Variants in BNC2 observed in about 807,000 individuals in gnomAD.
BNC2 encodes zinc finger protein basonuclin-2.
BNC2 carries 20 observed loss-of-function variants against 76.3 expected under a neutral mutation model. That is an observed-to-expected ratio of 0.26 (90% CI 0.18 to 0.38). The LOEUF is 0.38. Ranked by LOEUF, BNC2 falls within the 10% of genes least tolerant of loss-of-function variation. BNC2 has a pLI of 1.00. For missense variants in BNC2, 1,382 were observed against 1,399.8 expected, an observed-to-expected ratio of 0.99 and a Z score of 0.20; for synonymous variants, 582 against 514.8, an observed-to-expected ratio of 1.13 and a Z score of -1.77.
chr9:16,474,183 T>C (rs1821883369), intron 5 of BNC2, among the ~76,000 whole-genome samples: 1 of 152,228 alleles, frequency 6.6e-6, no homozygotes, highest in Non-Finnish European at 1.5e-5. Flanking sequence ...AAGTCACTTA[T>C]CCTTGCATAC....
intron 1 of BNC2, among the ~76,000 whole-genome samples, chr9:16,822,696 T>G (rs904707198): frequency 1.4e-4 from 21 of 152,350 alleles, no homozygotes; most frequent in African/African-American, 5.1e-4. Flanking sequence ...ACATCAGATT[T>G]TTTTAAAAGC....
intron 5 of BNC2, among the ~76,000 whole-genome samples, chr9:16,456,878 T>G (rs1821463018): frequency 6.6e-6 from 1 of 152,218 alleles, no homozygotes; most frequent in South Asian, 2.1e-4. Flanking sequence ...TATTTTAATT[T>G]GTTAACTCAT....
intron 1 of BNC2, among the ~76,000 whole-genome samples, chr9:16,857,092 C>G (rs1365392355): frequency 6.6e-6 from 1 of 152,088 alleles, no homozygotes; most frequent in Non-Finnish European, 1.5e-5. Flanking sequence ...ATGTTTTATT[C>G]AGTATGAATA....
chr9:16,497,978 G>GT (rs1822425937), intron 5 of BNC2, among the ~76,000 whole-genome samples: 1 of 134,840 alleles, frequency 7.4e-6, no homozygotes, highest in Non-Finnish European at 1.6e-5. Context: ...AAGAAACTGT[G>GT]GTGTGTGTGT....
chr9:16,591,416 G>C (rs938191688), intron 3 of BNC2, among the ~76,000 whole-genome samples: 6 of 152,124 alleles, frequency 3.9e-5, no homozygotes, highest in Non-Finnish European at 8.8e-5. Context: ...TGGGTCAAAA[G>C]ATCTACGGTT....
intron 5 of BNC2, among the ~76,000 whole-genome samples, chr9:16,468,939 G>GT (rs1821756241): frequency 6.6e-6 from 1 of 152,174 alleles, no homozygotes; most frequent in Admixed American, 6.5e-5. Context: ...AACAGGGATA[G>GT]TAACTTTTCA....
chr9:16,856,729 G>A (rs1052677914), intron 1 of BNC2, among the ~76,000 whole-genome samples: 2 of 152,168 alleles, frequency 1.3e-5, no homozygotes, highest in African/African-American at 4.8e-5. Flanking sequence ...TCTATCAAAA[G>A]CCAATTCAGC....
chr9:16,860,969 C>T (rs1819391642), intron 1 of BNC2, among the ~76,000 whole-genome samples: 1 of 151,690 alleles, frequency 6.6e-6, no homozygotes, highest in South Asian at 2.1e-4. Context: ...TGGCTTAAAC[C>T]CAAGAGGTGG....
At chr9:16,766,221 G>C (rs980217198) in intron 1 of BNC2, among the ~76,000 whole-genome samples, 1 of 152,132 alleles carries the variant, frequency 6.6e-6, no homozygotes, top group Non-Finnish European at 1.5e-5. Context: ...TTTTAATGTA[G>C]TTTTTCCTGT....
intron 1 of BNC2, among the ~76,000 whole-genome samples, chr9:16,799,911 C>T (rs1817740735): frequency 6.6e-6 from 1 of 152,076 alleles, no homozygotes; most frequent in Non-Finnish European, 1.5e-5. Flanking sequence ...ACAAAAGGAA[C>T]TTTGGCTCAC....
intron 3 of BNC2, among the ~76,000 whole-genome samples, chr9:16,613,754 C>G (rs1820619360): frequency 6.6e-6 from 1 of 152,192 alleles, no homozygotes; most frequent in South Asian, 2.1e-4. Context: ...GTAACCAGGA[C>G]AGCAGACTAT....
rs573838380 is a variant in BNC2 at position 16,472,700 on chromosome 9, G to C, written c.670-35176C>G. 2.1e-4 allele frequency among the ~76,000 whole-genome samples: 32 copies of C among 152,302 alleles called. 1 individual carries two copies. The highest frequency in any genetic ancestry group is 7.8e-4 in the Admixed American group (12 of 15,302). On this transcript the variant is annotated intron_variant, in intron 5 of 6. Transcript: ENST00000380672. ...GCAAGTGCTGCTTTATGGAACTTTA[G>C]AAATGCCAAGAGATGCACCAGAAAA...
intron 5 of BNC2, among the ~76,000 whole-genome samples, chr9:16,453,893 C>T (rs1016010108): frequency 1.3e-5 from 2 of 152,210 alleles, no homozygotes; most frequent in African/African-American, 4.8e-5. Flanking sequence ...CATTCAAGAA[C>T]TGCCCCAATC....
intron 3 of BNC2, among the ~76,000 whole-genome samples, chr9:16,723,241 G>A (rs1824216033): frequency 6.6e-6 from 1 of 152,056 alleles, no homozygotes; most frequent in African/African-American, 2.4e-5. Flanking sequence ...AGCAAGCTAG[G>A]GATGGATGAT....
chr9:16,723,565 T>C (rs1824229640), intron 3 of BNC2, among the ~76,000 whole-genome samples: 1 of 152,180 alleles, frequency 6.6e-6, no homozygotes, highest in East Asian at 1.9e-4. Context: ...ATTGTTGGCC[T>C]ATATGAATAG....
intron 2 of BNC2, among the ~76,000 whole-genome samples, chr9:16,734,193 G>A (rs2150090): frequency 0.47 from 70,847 of 152,042 alleles, 20,083 homozygotes; most frequent in East Asian, 0.89. Flanking sequence ...ACATGTTGAT[G>A]CATGCACGCC....
chr9:16,814,331 T>A (rs552482304), intron 1 of BNC2, among the ~76,000 whole-genome samples: 2 of 152,342 alleles, frequency 1.3e-5, no homozygotes, highest in East Asian at 1.9e-4. Flanking sequence ...GCACTCAATA[T>A]GTCTTTATTG....
At position 16,738,341 on chromosome 9, in the gene BNC2, A is replaced by G. The variant is rs77959482; in HGVS notation, c.129+19T>C. On this transcript the variant is annotated intron_variant, in intron 2 of 6. Coordinates refer to ENST00000380672, the MANE Select transcript of BNC2 (RefSeq NM_017637.6). ...GTGTGTCCAAGTAACTTAAAGGGGG[A>G]AAAAAAAAACCAACATACCTCAATT... 9 of 19,030 alleles carry G rather than the reference A, an allele frequency of 4.7e-4. No individual in the cohort carries two copies. The highest frequency in any genetic ancestry group is 2.3e-3 in the East Asian group (1 of 438). The allele number at this position is 19,030 out of a possible 1,614,324, so 1.2% of individuals were successfully genotyped here.
At chr9:16,625,239 G>A (rs932426789) in intron 3 of BNC2, among the ~76,000 whole-genome samples, 3 of 152,102 alleles carry the variant, frequency 2.0e-5, no homozygotes, top group Admixed American at 6.6e-5. Flanking sequence ...TCAGCTTTGC[G>A]TCCTTAAACC....
Sources: allele counts gnomAD v4.1 joint callset (sites outside exome capture counted in the v4.1 genomes callset), GRCh38; gene constraint gnomAD v4.1.1; transcripts MANE v1.5; gene names NCBI Gene and HGNC (gene_info 2026-07-23, HGNC 2026-07-21).